Variants in OSBPL10 observed in about 807,000 individuals in gnomAD.
The protein encoded by OSBPL10 is oxysterol-binding protein-related protein 10.
Under a neutral mutation model 81.7 loss-of-function variants are expected in OSBPL10, and 49 were observed. The observed-to-expected ratio is 0.60, with a 90% CI of 0.48 to 0.76. The LOEUF is 0.76. Among genes scored for constraint, OSBPL10 ranks in the 30% least tolerant of loss-of-function variants. The pLI, the probability that OSBPL10 is intolerant of heterozygous loss-of-function variation, is 0.00. For synonymous variants in OSBPL10, 419 were observed against 383.6 expected, an observed-to-expected ratio of 1.09 and a Z score of -1.08; for missense variants, 923 against 987.8, an observed-to-expected ratio of 0.93 and a Z score of 0.88.
At chr3:31,681,250 G>T (rs558271551) in intron 8 of OSBPL10, among the ~76,000 whole-genome samples, 1 of 152,308 alleles carries the variant, frequency 6.6e-6, no homozygotes, top group African/African-American at 2.4e-5. Flanking sequence ...ATGCAAGGAA[G>T]ACCCCAGTGA....
At chr3:31,878,856 C>T (rs893114437) in intron 2 of OSBPL10, among the ~76,000 whole-genome samples, 5 of 143,438 alleles carry the variant, frequency 3.5e-5, no homozygotes, top group Non-Finnish European at 6.1e-5. Context: ...TGTGCATGCA[C>T]TTGTGGGCAT....
At chr3:31,783,823 AAT>A (rs60886858) in intron 4 of OSBPL10, among the ~76,000 whole-genome samples, 720 of 16,658 alleles carry the variant, frequency 0.043, 29 homozygotes, top group African/African-American at 0.055. Flanking sequence ...AAAAAAAAAA[AAT>A]ATATATATAT....
intron 1 of OSBPL10, among the ~76,000 whole-genome samples, chr3:31,909,928 G>T (rs13317583): frequency 6.6e-6 from 1 of 150,830 alleles, no homozygotes; most frequent in Non-Finnish European, 1.5e-5. Context: ...GCACCAAGAG[G>T]CTGGCTACAC....
intron 2 of OSBPL10, chr3:31,988,997 C>A: frequency 6.5e-7 from 1 of 1,540,772 alleles, no homozygotes; most frequent in Non-Finnish European, 8.8e-7. Context: ...ATTTGTTTCT[C>A]GGAAACAGAT....
chr3:31,776,261 G>A (rs1320962527), intron 4 of OSBPL10, among the ~76,000 whole-genome samples: 1 of 152,070 alleles, frequency 6.6e-6, no homozygotes, highest in Non-Finnish European at 1.5e-5. Context: ...ATCAAAACCA[G>A]GTACCGTTTC....
At chr3:31,827,324 G>A (rs907413874) in intron 4 of OSBPL10, among the ~76,000 whole-genome samples, 3 of 152,058 alleles carry the variant, frequency 2.0e-5, no homozygotes, top group African/African-American at 4.8e-5. Flanking sequence ...AAAAGCATAC[G>A]TGTATTCATT....
At chr3:31,779,821 T>C (rs1425147968) in intron 4 of OSBPL10, among the ~76,000 whole-genome samples, 1 of 152,132 alleles carries the variant, frequency 6.6e-6, no homozygotes, top group East Asian at 1.9e-4. Context: ...TCTCAAGAAA[T>C]TTAAGAAAAT....
intron 1 of OSBPL10, among the ~76,000 whole-genome samples, chr3:31,944,576 T>A (rs2125431259): frequency 6.6e-6 from 1 of 152,050 alleles, no homozygotes; most frequent in African/African-American, 2.4e-5. Flanking sequence ...GCTGTCCCCA[T>A]CCCTAAATTT....
intron 4 of OSBPL10, among the ~76,000 whole-genome samples, chr3:31,767,651 G>T (rs989457072): frequency 1.3e-5 from 2 of 152,134 alleles, no homozygotes; most frequent in African/African-American, 4.8e-5. Flanking sequence ...TGAGGTCTGG[G>T]GAGCAGGCCC....
chr3:31,895,075 C>A (rs1696012187), intron 1 of OSBPL10, among the ~76,000 whole-genome samples: 1 of 151,640 alleles, frequency 6.6e-6, no homozygotes, highest in Non-Finnish European at 1.5e-5. Flanking sequence ...GGAAAAGCTA[C>A]CTCCAAACTG....
chr3:31,862,650 T>G (rs1701087059), intron 3 of OSBPL10, among the ~76,000 whole-genome samples: 1 of 152,046 alleles, frequency 6.6e-6, no homozygotes, highest in African/African-American at 2.4e-5. Context: ...CTCCGAAGAG[T>G]ATATATGAAT....
intron 1 of OSBPL10, among the ~76,000 whole-genome samples, chr3:31,925,112 C>T (rs551176830): frequency 4.1e-4 from 62 of 152,276 alleles, no homozygotes; most frequent in Middle Eastern, 6.8e-3. Flanking sequence ...TCCTGGGGAC[C>T]TATTTCCTCT....
At chr3:31,967,085 A>G (rs1212666946) in intron 1 of OSBPL10, among the ~76,000 whole-genome samples, 1 of 152,008 alleles carries the variant, frequency 6.6e-6, no homozygotes, top group Non-Finnish European at 1.5e-5. Flanking sequence ...ACTTCTGAGC[A>G]TAAATAACAT....
At chr3:31,872,214 A>G (rs1701346664) in intron 3 of OSBPL10, among the ~76,000 whole-genome samples, 1 of 152,158 alleles carries the variant, frequency 6.6e-6, no homozygotes, top group African/African-American at 2.4e-5. Flanking sequence ...GTCCATGCAG[A>G]ATCAGAAACT....
intron 3 of OSBPL10, among the ~76,000 whole-genome samples, chr3:31,871,098 A>C (rs1701312063): frequency 6.6e-6 from 1 of 151,964 alleles, no homozygotes; most frequent in African/African-American, 2.4e-5. Flanking sequence ...AGGCTGCCCA[A>C]ACCAGCAGTG....
intron 2 of OSBPL10, among the ~76,000 whole-genome samples, chr3:32,035,123 G>A (rs759813961): frequency 9.9e-5 from 15 of 152,158 alleles, no homozygotes; most frequent in Admixed American, 1.3e-4. Context: ...GAGTGGGGCC[G>A]TAGGATATAC....
chr3:31,974,824 G>A (rs1698651719), intron 1 of OSBPL10, among the ~76,000 whole-genome samples: 4 of 152,170 alleles, frequency 2.6e-5, no homozygotes, highest in African/African-American at 4.8e-5. Flanking sequence ...ATTGAACTGT[G>A]TATGTATATG....
At chr3:31,830,972 C>G (rs1700226088) in intron 3 of OSBPL10, among the ~76,000 whole-genome samples, 1 of 152,096 alleles carries the variant, frequency 6.6e-6, no homozygotes, top group Non-Finnish European at 1.5e-5. Flanking sequence ...GTTGGGATAA[C>G]TGGGAAGCCA....
intron 2 of OSBPL10, among the ~76,000 whole-genome samples, chr3:31,878,051 T>C (rs1031137172): frequency 6.6e-6 from 1 of 152,262 alleles, no homozygotes; most frequent in South Asian, 2.1e-4. Context: ...GCCATAAACA[T>C]GCAGAAATTT....
Sources: allele counts gnomAD v4.1 joint callset (sites outside exome capture counted in the v4.1 genomes callset), GRCh38; gene constraint gnomAD v4.1.1; transcripts MANE v1.5; gene names NCBI Gene and HGNC (gene_info 2026-07-23, HGNC 2026-07-21).